The following ABTB3 variants were observed in gnomAD, a reference collection of about 807,000 sequenced individuals.
ABTB3 encodes the protein ankyrin repeat- and BTB/POZ domain-containing protein 3.
At chr12:107,598,956 G>C in the ABTB3 span, among the ~76,000 whole-genome samples, 3 of 152,134 alleles carry the variant, frequency 2.0e-5, no homozygotes, top group Non-Finnish European at 4.4e-5. Context: ...CTCCTTCCTG[G>C]ATAAGTCTGG....
At chr12:107,621,598 C>T in the ABTB3 span, among the ~76,000 whole-genome samples, 11 of 152,160 alleles carry the variant, frequency 7.2e-5, no homozygotes, top group Non-Finnish European at 1.5e-4. Context: ...GTATGACATA[C>T]GTACAGAAAA....
the ABTB3 span, among the ~76,000 whole-genome samples, chr12:107,506,589 T>C: frequency 2.6e-5 from 4 of 152,308 alleles, no homozygotes; most frequent in South Asian, 8.3e-4. Flanking sequence ...CAAATTAAAT[T>C]AGATACCATT....
the ABTB3 span, among the ~76,000 whole-genome samples, chr12:107,539,289 T>C: frequency 6.6e-6 from 1 of 152,182 alleles, no homozygotes; most frequent in Non-Finnish European, 1.5e-5. Flanking sequence ...CAGGCCTCTA[T>C]CTTTGAGTTT....
chr12:107,351,368 CTT>C, the ABTB3 span, among the ~76,000 whole-genome samples: 3 of 152,158 alleles, frequency 2.0e-5, no homozygotes, highest in Non-Finnish European at 4.4e-5. Context: ...TGCCATCAGA[CTT>C]TCTCCTGAGG....
chr12:107,320,017 G>C, the ABTB3 span: 1 of 1,560,906 alleles, frequency 6.4e-7, no homozygotes, highest in Non-Finnish European at 8.7e-7. Flanking sequence ...ACAACGACTC[G>C]GAGATCTGGG....
chr12:107,528,213 G>A, the ABTB3 span, among the ~76,000 whole-genome samples: 3 of 152,132 alleles, frequency 2.0e-5, no homozygotes, highest in Non-Finnish European at 2.9e-5. Flanking sequence ...GAGTCAGGTA[G>A]GTTAGAGTAG....
At chr12:107,487,718 A>G in the ABTB3 span, among the ~76,000 whole-genome samples, 6 of 152,156 alleles carry the variant, frequency 3.9e-5, no homozygotes, top group Admixed American at 3.9e-4. Context: ...CCCCAACTAT[A>G]TTTTTGCACA....
the ABTB3 span, among the ~76,000 whole-genome samples, chr12:107,341,799 C>CTT: frequency 2.0e-3 from 311 of 152,298 alleles, 3 homozygotes; most frequent in African/African-American, 7.3e-3. Context: ...TTGGCACTGT[C>CTT]TTCACCACAG....
At chr12:107,469,190 C>T in the ABTB3 span, among the ~76,000 whole-genome samples, 1 of 152,208 alleles carries the variant, frequency 6.6e-6, no homozygotes, top group South Asian at 2.1e-4. Flanking sequence ...GCCTCCCCTG[C>T]AGACATCTGC....
the ABTB3 span, among the ~76,000 whole-genome samples, chr12:107,522,888 T>C: frequency 1.3e-5 from 2 of 152,092 alleles, no homozygotes; most frequent in East Asian, 3.9e-4. Flanking sequence ...GGTTGGGGTG[T>C]CCCAAGTTTA....
At chr12:107,484,578 G>C in the ABTB3 span, among the ~76,000 whole-genome samples, 1 of 150,516 alleles carries the variant, frequency 6.6e-6, no homozygotes, top group Non-Finnish European at 1.5e-5. Flanking sequence ...GTTTTGAGCA[G>C]AGGAGGGATC....
chr12:107,484,121 C>T, the ABTB3 span, among the ~76,000 whole-genome samples: 1 of 152,180 alleles, frequency 6.6e-6, no homozygotes, highest in African/African-American at 2.4e-5. Flanking sequence ...GAGAAGGAAA[C>T]ACAACGACAA....
At chr12:107,465,740 G>T in the ABTB3 span, among the ~76,000 whole-genome samples, 1 of 152,154 alleles carries the variant, frequency 6.6e-6, no homozygotes, top group Non-Finnish European at 1.5e-5. Flanking sequence ...TCAGGGGCCT[G>T]GCTCATCTTG....
chr12:107,519,652 G>A, the ABTB3 span, among the ~76,000 whole-genome samples: 1 of 152,114 alleles, frequency 6.6e-6, no homozygotes, highest in African/African-American at 2.4e-5. Context: ...AGGCAGAGGC[G>A]CAAGAGAGCA....
the ABTB3 span, among the ~76,000 whole-genome samples, chr12:107,389,252 T>C: frequency 1.3e-5 from 2 of 152,246 alleles, no homozygotes; most frequent in Admixed American, 1.3e-4. Flanking sequence ...GCAATGTGAC[T>C]CAAGCTGTAA....
the ABTB3 span, among the ~76,000 whole-genome samples, chr12:107,408,411 C>T: frequency 2.0e-5 from 3 of 152,146 alleles, no homozygotes; most frequent in Non-Finnish European, 4.4e-5. Flanking sequence ...GGTTTAAACA[C>T]CCAGTATGAT....
the ABTB3 span, among the ~76,000 whole-genome samples, chr12:107,387,059 C>A: frequency 1.3e-5 from 2 of 151,434 alleles, no homozygotes; most frequent in African/African-American, 2.4e-5. Flanking sequence ...CTCACTGCAA[C>A]CTCCACCTCC....
At chr12:107,394,265 C>T in the ABTB3 span, among the ~76,000 whole-genome samples, 1 of 152,196 alleles carries the variant, frequency 6.6e-6, no homozygotes, top group African/African-American at 2.4e-5. Context: ...AACCAGCTTA[C>T]CCAGGGTCAC....
At chr12:107,393,370 A>G in the ABTB3 span, among the ~76,000 whole-genome samples, 1 of 152,036 alleles carries the variant, frequency 6.6e-6, no homozygotes, top group Admixed American at 6.5e-5. Context: ...AGAGCCAGGG[A>G]AATGAAAATC....
Sources: allele counts gnomAD v4.1 joint callset (sites outside exome capture counted in the v4.1 genomes callset), GRCh38; gene constraint gnomAD v4.1.1; transcripts MANE v1.5; gene names NCBI Gene and HGNC (gene_info 2026-07-23, HGNC 2026-07-21).